Variants in MAP2 observed in about 807,000 individuals in gnomAD.
MAP2 encodes microtubule associated protein 2.
In MAP2, 14 loss-of-function variants were observed where a neutral mutation model predicts 137.6. The observed-to-expected ratio is 0.10, with a 90% CI of 0.07 to 0.16. MAP2 has a LOEUF of 0.16. Among genes scored for constraint, MAP2 ranks in the 10% least tolerant of loss-of-function variants. MAP2 has a pLI of 1.00. For synonymous variants in MAP2, 786 were observed against 782.3 expected, an observed-to-expected ratio of 1.00 and a Z score of -0.08; for missense variants, 2,088 against 2,191.5, an observed-to-expected ratio of 0.95 and a Z score of 0.94.
chr2:209,567,376 G>T (rs574465094), intron 2 of MAP2, among the ~76,000 whole-genome samples: 5 of 152,082 alleles, frequency 3.3e-5, no homozygotes, highest in African/African-American at 1.2e-4. Context: ...CATTACTTTG[G>T]GGTAAAATGG....
chr2:209,508,630 T>G (rs923667992), intron 2 of MAP2, among the ~76,000 whole-genome samples: 1 of 150,854 alleles, frequency 6.6e-6, no homozygotes, highest in African/African-American at 2.4e-5. Flanking sequence ...AAAACTACTA[T>G]TATTTCTCTT....
chr2:209,703,959 A>C (rs756376154), intron 11 of MAP2: 1 of 455,524 alleles, frequency 2.2e-6, no homozygotes, highest in South Asian at 1.6e-5. Context: ...TATTTGTATA[A>C]CAGATTTTTT....
At chr2:209,532,416 A>G (rs1203432678) in intron 2 of MAP2, among the ~76,000 whole-genome samples, 1 of 152,106 alleles carries the variant, frequency 6.6e-6, no homozygotes, top group Non-Finnish European at 1.5e-5. Context: ...GTGTTATTTC[A>G]TTGAATCCTT....
At chr2:209,588,508 A>G (rs1049022199) in intron 3 of MAP2, among the ~76,000 whole-genome samples, 4 of 152,214 alleles carry the variant, frequency 2.6e-5, no homozygotes, top group African/African-American at 9.6e-5. Flanking sequence ...TATAACCAAA[A>G]TATCTTTCTT....
intron 2 of MAP2, among the ~76,000 whole-genome samples, chr2:209,546,087 A>C (rs2153275490): frequency 6.6e-6 from 1 of 152,226 alleles, no homozygotes; most frequent in South Asian, 2.1e-4. Context: ...AGGTTGCGGT[A>C]AGCCGAGATC....
chr2:209,733,761 C>T lies in MAP2; in HGVS notation c.*3364C>T, dbSNP rs1432578987. ...CATTGATGTTTTGAGTTTTTTTACA[C>T]CTAGGATTTTTAGCTTGGGTGTGTA... On this transcript the variant is annotated 3_prime_UTR_variant, in exon 16 of 16. Coordinates refer to ENST00000682079, the MANE Select transcript of MAP2 (RefSeq NM_001375505.1). 6.6e-6 allele frequency: 1 copy of T among 152,224 alleles called. No homozygotes were observed. Among genetic ancestry groups the T allele is most frequent in the Non-Finnish European group, 1.5e-5 (1 of 68,004 alleles). 9.4% of individuals were successfully genotyped at this position (152,224 alleles called of 1,614,324 possible). A position where few individuals can be genotyped will look rare whatever the true frequency, so the allele number is the denominator to read the frequency against.
rs1432670776 is a variant in MAP2 at position 209,522,138 on chromosome 2, G to A, written c.-172+14497G>A. On this transcript the variant is annotated intron_variant, in intron 2 of 15. Coordinates refer to ENST00000682079, the MANE Select transcript of MAP2 (RefSeq NM_001375505.1). ...ACCAGTGCCCCATTAGGATTGATGG[G>A]CCTCCTTTTTTTTTTCCACCAGCTA... 4.6e-5 allele frequency among the ~76,000 whole-genome samples: 7 copies of A among 151,962 alleles called. No homozygotes were observed. The South Asian group carries it at 1.0e-3, about 22-fold the overall frequency.
At chr2:209,505,971 C>A (rs1265441115) in intron 1 of MAP2, among the ~76,000 whole-genome samples, 6 of 150,740 alleles carry the variant, frequency 4.0e-5, no homozygotes, top group Non-Finnish European at 8.9e-5. Flanking sequence ...GACCCTGTCT[C>A]AAAAAAAAGA....
At chr2:209,534,247 T>C (rs2065609816) in intron 2 of MAP2, among the ~76,000 whole-genome samples, 1 of 152,258 alleles carries the variant, frequency 6.6e-6, no homozygotes. Flanking sequence ...GTTTAGCCCT[T>C]ACAACAAGTT....
chr2:209,696,523 G>T lies in MAP2; in HGVS notation c.4181-19G>T. On this transcript the variant is annotated intron_variant, in intron 8 of 15. Coordinates refer to ENST00000682079, the MANE Select transcript of MAP2 (RefSeq NM_001375505.1). Reference sequence around the variant, plus strand: ...TTTTCACTGTTGTTGTTGTTGTCATGATTTGCTTTGATCCACAGATGATGA... The same window carrying T: ...TTTTCACTGTTGTTGTTGTTGTCATTATTTGCTTTGATCCACAGATGATGA... The T allele has an allele frequency of 6.3e-7, 1 of 1,587,788 alleles. No individual in the cohort carries two copies. The highest frequency in any genetic ancestry group is 1.4e-5 in the African/African-American group (1 of 73,696).
intron 1 of MAP2, among the ~76,000 whole-genome samples, chr2:209,474,769 A>G (rs999642021): frequency 6.6e-6 from 1 of 152,114 alleles, no homozygotes; most frequent in Non-Finnish European, 1.5e-5. Flanking sequence ...ATTTTACTAC[A>G]CAGTGAGTAA....
At chr2:209,448,520 G>C (rs1699613427) in intron 1 of MAP2, among the ~76,000 whole-genome samples, 1 of 152,164 alleles carries the variant, frequency 6.6e-6, no homozygotes, top group African/African-American at 2.4e-5. Flanking sequence ...TAAAACAATA[G>C]AAATGTATTC....
At chr2:209,464,250 TG>T (rs780998199) in intron 1 of MAP2, among the ~76,000 whole-genome samples, 9 of 152,158 alleles carry the variant, frequency 5.9e-5, no homozygotes, top group Non-Finnish European at 1.0e-4. Context: ...ATAGCTTCAA[TG>T]TTAGTCTTTT....
rs746375411 is a variant in MAP2, at chr2:209,697,009, A to G, written c.4480A>G (p.Thr1494Ala). 5 of 1,613,176 alleles carry G rather than the reference A, an allele frequency of 3.1e-6. No homozygotes were observed. The highest frequency in any genetic ancestry group is 3.4e-6 in the Non-Finnish European group (4 of 1,179,798). The change falls in exon 10 of 16, where the codon ACT becomes GCT. Residue 1494 changes from threonine (T) to alanine (A), a missense_variant. Thr to Ala is a moderately conservative substitution (Grantham distance 58). Coordinates refer to ENST00000682079, the MANE Select transcript of MAP2 (RefSeq NM_001375505.1). The stretch of plus-strand genomic sequence containing the variant: ...CATTTTAAAACCTGCTATCAAATAT[A>G]CTAGACCAACTCATCTCTCCTGTGT... ...KFILKPAIKY[T>A]RPTHLSCVKR...
intron 1 of MAP2, among the ~76,000 whole-genome samples, chr2:209,460,402 A>C (rs1702478666): frequency 6.6e-6 from 1 of 152,208 alleles, no homozygotes; most frequent in South Asian, 2.1e-4. Context: ...TTCATAAGGT[A>C]GACACTGGCC....
chr2:209,467,944 A>G (rs1365116081), intron 1 of MAP2, among the ~76,000 whole-genome samples: 2 of 152,156 alleles, frequency 1.3e-5, no homozygotes, highest in Non-Finnish European at 2.9e-5. Flanking sequence ...GTGCTACAAG[A>G]GGTTGTTACA....
intron 2 of MAP2, among the ~76,000 whole-genome samples, chr2:209,569,720 A>G (rs1334127126): frequency 6.6e-6 from 1 of 151,892 alleles, no homozygotes; most frequent in African/African-American, 2.4e-5. Flanking sequence ...TAATGGACAT[A>G]GATTACATAA....
chr2:209,434,421 T>C (rs1695151395), intron 1 of MAP2, among the ~76,000 whole-genome samples: 1 of 151,966 alleles, frequency 6.6e-6, no homozygotes. Flanking sequence ...TTAATTATTG[T>C]TGATTTTTGT....
intron 2 of MAP2, among the ~76,000 whole-genome samples, chr2:209,540,887 C>A (rs1485493045): frequency 6.6e-6 from 1 of 150,496 alleles, no homozygotes; most frequent in Non-Finnish European, 1.5e-5. Context: ...CTAGCTGCCA[C>A]GATAAAGCAA....
Sources: allele counts gnomAD v4.1 joint callset (sites outside exome capture counted in the v4.1 genomes callset), GRCh38; gene constraint gnomAD v4.1.1; transcripts MANE v1.5; gene names NCBI Gene and HGNC (gene_info 2026-07-23, HGNC 2026-07-21).